NUP160: variants seen among roughly 807,000 people sequenced by gnomAD.
NUP160 encodes the protein nucleoporin 160, also known as nuclear pore complex protein Nup160.
A neutral mutation model predicts 196.9 loss-of-function variants in NUP160; 94 were observed. The ratio of observed to expected loss-of-function variants is 0.48; its 90% confidence interval spans 0.40 to 0.57. The LOEUF (loss-of-function observed/expected upper bound fraction) is 0.57. Among genes scored for constraint, NUP160 ranks in the 20% least tolerant of loss-of-function variants. NUP160 has a pLI of 0.00. For missense variants in NUP160, 1,638 were observed against 1,748.3 expected (o/e 0.94, Z 1.13); for synonymous variants, 605 against 619.7 (o/e 0.98, Z 0.35).
intron 9 of NUP160, among the ~76,000 whole-genome samples, chr11:47,819,678 T>C (rs1041920884): frequency 2.8e-4 from 43 of 152,188 alleles, no homozygotes; most frequent in African/African-American, 9.2e-4. Flanking sequence ...TTAATAATTA[T>C]CTTCCTAAAA....
chr11:47,839,950 G>A (rs766927242), exon 4 of NUP160: 1 of 1,614,118 alleles, frequency 6.2e-7, no homozygotes, highest in East Asian at 2.2e-5. Context: ...AGAGGCGGTG[G>A]AATTAGGAGA....
chr11:47,815,894 G>T, intron 12 of NUP160, 52 bp downstream of exon 12: 1 of 1,361,924 alleles, frequency 7.3e-7, no homozygotes, highest in Non-Finnish European at 1.0e-6. Context: ...GTACCAATCT[G>T]CCCTATATCA....
Position 47,837,595 on chromosome 11 carries a change from C to CT in NUP160, c.776dup (p.Ser260GlufsTer19), listed in dbSNP as rs745491135. The CT allele has an allele frequency of 1.2e-6, 2 of 1,614,060 alleles. No individual in the cohort carries two copies. Among genetic ancestry groups the CT allele is most frequent in the Non-Finnish European group, 1.7e-6 (2 of 1,179,916 alleles). ...TAAGCAATCGTTGCATTACTGAACT[C>CT]TGTTTCAGTTCCACGACTGACACCA... On this transcript the variant is annotated frameshift_variant, in exon 5 of 36. Transcript: ENST00000378460. LOFTEE classifies it high-confidence loss of function.
At chr11:47,803,281 T>C (rs1009156668) in intron 22 of NUP160, among the ~76,000 whole-genome samples, 157 bp downstream of exon 22, 1 of 152,118 alleles carries the variant, frequency 6.6e-6, no homozygotes, top group South Asian at 2.1e-4. Context: ...AGTCCTTACA[T>C]GTATATAATG....
At chr11:47,802,346 G>A (rs1053811982) in intron 22 of NUP160, among the ~76,000 whole-genome samples, 2 of 152,044 alleles carry the variant, frequency 1.3e-5, no homozygotes, top group Non-Finnish European at 2.9e-5. Flanking sequence ...CAGCAGAATC[G>A]CCTGAACCTG....
chr11:47,808,483 A>G (rs1599322681), exon 18 of NUP160: 3 of 1,614,022 alleles, frequency 1.9e-6, no homozygotes, highest in Admixed American at 1.7e-5. Flanking sequence ...TGTTCGATGT[A>G]GTAGGTCTTG....
At chr11:47,807,224 T>C in intron 18 of NUP160, 84 bp from the exon 19 acceptor site, 1 of 796,444 alleles carries the variant, frequency 1.3e-6, no homozygotes, top group Non-Finnish European at 2.1e-6. Flanking sequence ...AAGAACACTG[T>C]CAATTTAATT....
chr11:47,836,806 A>T, intron 6 of NUP160, 81 bp downstream of exon 6: 1 of 839,318 alleles, frequency 1.2e-6, no homozygotes, highest in Non-Finnish European at 2.0e-6. Context: ...AATAATCTTT[A>T]GAGAAACAGC....
intron 34 of NUP160, among the ~76,000 whole-genome samples, chr11:47,782,151 G>C (rs1251721529): frequency 6.6e-6 from 1 of 151,406 alleles, no homozygotes; most frequent in Non-Finnish European, 1.5e-5. Context: ...GGATGTGGTG[G>C]CAGGTGCCTG....
chr11:47,810,617 C>T (rs1165281975), intron 17 of NUP160, among the ~76,000 whole-genome samples: 3 of 151,024 alleles, frequency 2.0e-5, no homozygotes, highest in African/African-American at 7.3e-5. Flanking sequence ...TGCAATCTTG[C>T]CTCACTGCAA....
At position 47,813,410 on chromosome 11, in the gene NUP160, G is replaced by T; in HGVS notation, c.1692C>A (p.Tyr564Ter). ...AGGATGAGGGAATAAGGAAAGACAG[G>T]TACCCCTGGAAATACAAATTTTCCA... Residue 564 changes from tyrosine (Y) to a stop codon, truncating the protein, a stop_gained, in exon 14 of 36, where the codon TAC becomes TAA. Transcript: ENST00000378460. LOFTEE classifies it high-confidence loss of function. The T allele has an allele frequency of 6.2e-7, 1 of 1,602,424 alleles. No homozygotes were observed.
At chr11:47,818,027 T>C (rs753014077) in intron 11 of NUP160, 29 bp downstream of exon 11, 17 of 1,443,112 alleles carry the variant, frequency 1.2e-5, no homozygotes, top group Non-Finnish European at 1.6e-5. Flanking sequence ...GAAATAGTCT[T>C]AAACAAACAG....
intron 27 of NUP160, among the ~76,000 whole-genome samples, chr11:47,796,600 G>T (rs533134413): frequency 1.3e-3 from 202 of 152,234 alleles, no homozygotes; most frequent in African/African-American, 4.7e-3. Flanking sequence ...TGGATGAAAG[G>T]TATATAGGGT....
intron 17 of NUP160, among the ~76,000 whole-genome samples, chr11:47,809,348 C>T (rs1468738651): frequency 3.3e-5 from 5 of 150,818 alleles, no homozygotes. Context: ...ACAGGTATGA[C>T]CATTATTATA....
chr11:47,798,569 G>A (rs2097672258), intron 23 of NUP160, 106 bp from the exon 24 acceptor site: 8 of 668,846 alleles, frequency 1.2e-5, no homozygotes, highest in South Asian at 3.7e-5. Flanking sequence ...CCGGCATGGT[G>A]GCTCACACCT....
At chr11:47,792,237 A>T in intron 28 of NUP160, 1 of 410,764 alleles carries the variant, frequency 2.4e-6, no homozygotes, top group Non-Finnish European at 4.3e-6. Context: ...ATGTAAATCA[A>T]CTAATTTTTC....
At chr11:47,813,962 T>G (rs955655591) in intron 13 of NUP160, among the ~76,000 whole-genome samples, 3 of 145,174 alleles carry the variant, frequency 2.1e-5, no homozygotes, top group Non-Finnish European at 4.5e-5. Flanking sequence ...TCCCAGCTAC[T>G]GGTGAGGCTG....
intron 9 of NUP160, among the ~76,000 whole-genome samples, chr11:47,820,858 A>AT (rs1173102903): frequency 6.6e-6 from 1 of 151,970 alleles, no homozygotes; most frequent in Non-Finnish European, 1.5e-5. Context: ...CCACTAGTTT[A>AT]TTTTTTATAG....
chr11:47,812,530 T>A, intron 15 of NUP160, 101 bp from the exon 16 acceptor site: 1 of 1,184,102 alleles, frequency 8.4e-7, no homozygotes, highest in Non-Finnish European at 1.2e-6. Flanking sequence ...GAGAACCAGA[T>A]AAAGGAATGA....
Sources: gnomAD v4.1 joint callset for allele counts (sites outside exome capture counted in the v4.1 genomes callset) on GRCh38, gnomAD v4.1.1 for gene constraint, MANE v1.5 for transcripts, NCBI Gene and HGNC (gene_info 2026-07-23, HGNC 2026-07-21) for gene names.